The following DBI variants were observed in gnomAD, a reference collection of about 807,000 sequenced individuals.
DBI encodes the protein diazepam binding inhibitor, acyl-CoA binding protein, also known as acyl-CoA-binding protein.
Under a neutral mutation model 13.0 loss-of-function variants are expected in DBI, and 12 were observed. The ratio of observed to expected loss-of-function variants is 0.92; its 90% confidence interval spans 0.59 to 1.49. DBI has a LOEUF of 1.49. Among genes scored for constraint, DBI ranks in the 40% most tolerant of loss-of-function variants. The pLI, the probability that DBI is intolerant of heterozygous loss-of-function variation, is 0.00. For synonymous variants in DBI, 37 were observed against 37.4 expected, an observed-to-expected ratio of 0.99 and a Z score of 0.04; for missense variants, 95 against 104.8, an observed-to-expected ratio of 0.91 and a Z score of 0.41.
At chr2:119,369,334 T>C (rs1375658450) in intron 2 of DBI, among the ~76,000 whole-genome samples, 1 of 152,144 alleles carries the variant, frequency 6.6e-6, no homozygotes, top group Non-Finnish European at 1.5e-5. Flanking sequence ...TTCACATGAG[T>C]CTAGATAGAC....
chr2:119,370,638 A>G, intron 2 of DBI, 102 bp from the exon 3 acceptor site: 1 of 1,074,978 alleles, frequency 9.3e-7, no homozygotes, highest in Non-Finnish European at 1.4e-6. Context: ...AGAGCCTAGA[A>G]GGAACAGGTG....
intron 1 of DBI, 98 bp downstream of exon 1, chr2:119,367,158 G>C (rs1681066885): frequency 6.4e-7 from 1 of 1,565,850 alleles, no homozygotes; most frequent in Non-Finnish European, 8.6e-7. Context: ...CTTTCCTTCC[G>C]TGCCCCTCAC....
Position 119,367,051 on chromosome 2 carries a change from G to A in DBI, c.-1G>A. ...CCTGGAGTTCTTGCAAGTCGGCCAG[G>A]ATGTCTCAGGTACAGCGCGTGCACA... On this transcript the variant is annotated 5_prime_UTR_variant, in exon 1 of 4. Coordinates refer to ENST00000355857, the MANE Select transcript of DBI (RefSeq NM_001079862.4). 2 of 1,614,120 alleles carry A rather than the reference G, an allele frequency of 1.2e-6. No individual in the cohort carries two copies. The highest frequency in any genetic ancestry group is 1.1e-5 in the South Asian group (1 of 91,084).
At chr2:119,368,621 C>A in intron 2 of DBI, 1 of 270,632 alleles carries the variant, frequency 3.7e-6, no homozygotes, top group Non-Finnish European at 7.3e-6. Flanking sequence ...CATTGTTGAG[C>A]CGTTCAGCTT....
chr2:119,367,467 AG>A, intron 1 of DBI: 1 of 1,588,212 alleles, frequency 6.3e-7, no homozygotes, highest in Non-Finnish European at 8.6e-7. Flanking sequence ...CTTGGAGGTC[AG>A]GGGAAGTACG....
Position 119,367,010 on chromosome 2 carries a change from C to G in DBI, c.-42C>G. On this transcript the variant is annotated 5_prime_UTR_variant, in exon 1 of 4. Transcript: ENST00000355857. ...CTGGGCGATCGCTTCCTGGTCCTCGCCTCCTCCGCTGTCTCCCTGGAGTTC... is the reference window on the plus strand; with the variant it reads ...CTGGGCGATCGCTTCCTGGTCCTCGGCTCCTCCGCTGTCTCCCTGGAGTTC... 1 of 1,613,600 alleles carries G rather than the reference C, an allele frequency of 6.2e-7. No individual in the cohort carries two copies. The highest frequency in any genetic ancestry group is 8.5e-7 in the Non-Finnish European group (1 of 1,179,718).
At chr2:119,368,504 T>G (rs1558806435) in intron 2 of DBI, 199 bp downstream of exon 2, 4 of 563,638 alleles carry the variant, frequency 7.1e-6, no homozygotes, top group Non-Finnish European at 1.3e-5. Flanking sequence ...CAAATCCTGG[T>G]TTTAGAAGGT....
At chr2:119,367,787 C>A (rs3091405) in intron 1 of DBI, 469,056 of 1,608,888 alleles carry the variant, frequency 0.29, 69,321 homozygotes, top group African/African-American at 0.33. Context: ...GGCTTCGCTG[C>A]AGCCCCGGCC....
chr2:119,368,137 C>A, intron 1 of DBI, 51 bp from the exon 2 acceptor site: 1 of 1,550,128 alleles, frequency 6.5e-7, no homozygotes, highest in African/African-American at 1.4e-5. Flanking sequence ...GGATTCTTAC[C>A]CTCTCCCACC....
At chr2:119,369,158 A>G (rs1488307421) in intron 2 of DBI, among the ~76,000 whole-genome samples, 1 of 152,206 alleles carries the variant, frequency 6.6e-6, no homozygotes, top group African/African-American at 2.4e-5. Flanking sequence ...ACTTAGTTGA[A>G]GAAGGTCTTA....
At position 119,371,009 on chromosome 2, in the gene DBI, G is replaced by T. The variant is rs543392153; in HGVS notation, c.190+207G>T. ...CCTTTTCTAAAAGCACCATCTCTGA[G>T]CAGGAGCATCATCTAGAGAGGAGGG... On this transcript the variant is annotated intron_variant, in intron 3 of 3. Transcript: ENST00000355857. Among the ~76,000 whole-genome samples, 41 of 152,216 alleles carry T rather than the reference G, an allele frequency of 2.7e-4. 1 individual carries two copies. Among genetic ancestry groups the T allele is most frequent in the Non-Finnish European group, 5.1e-4 (35 of 68,048 alleles).
chr2:119,369,655 A>G (rs1268565291), intron 2 of DBI, among the ~76,000 whole-genome samples: 1 of 152,098 alleles, frequency 6.6e-6, no homozygotes, highest in Non-Finnish European at 1.5e-5. Flanking sequence ...GCATGGTGGC[A>G]TATGCCTGTA....
At chr2:119,368,563 G>A in intron 2 of DBI, 1 of 412,726 alleles carries the variant, frequency 2.4e-6, no homozygotes, top group Non-Finnish European at 4.5e-6. Context: ...AAGAAGCAAA[G>A]GCTGCAGCTT....
chr2:119,372,147 G>T (rs1681561149), intron 3 of DBI, 98 bp from the exon 4 acceptor site: 2 of 825,090 alleles, frequency 2.4e-6, no homozygotes, highest in Non-Finnish European at 4.2e-6. Flanking sequence ...GAGAAACTGA[G>T]CCTAGGAGAG....
chr2:119,368,616 T>C (rs1470056329), intron 2 of DBI: 1 of 282,546 alleles, frequency 3.5e-6, no homozygotes, highest in Non-Finnish European at 7.0e-6. Context: ...AGTATCATTG[T>C]TGAGCCGTTC....
chr2:119,368,118 G>A lies in DBI; in HGVS notation c.10-70G>A. On this transcript the variant is annotated intron_variant, in intron 1 of 3. Coordinates refer to ENST00000355857, the MANE Select transcript of DBI (RefSeq NM_001079862.4). ...ATCCCCGTAACTGGGCTGTCATCAG[G>A]CCACAGTAGGATTCTTACCCTCTCC... 4 of 1,506,210 alleles carry A rather than the reference G, an allele frequency of 2.7e-6. No homozygotes were observed. The South Asian group carries it at 3.4e-5, about 13-fold the overall frequency. 93.3% of individuals were successfully genotyped at this position (1,506,210 alleles called of 1,614,324 possible).
intron 3 of DBI, 102 bp downstream of exon 3, chr2:119,370,904 C>A: frequency 1.8e-6 from 2 of 1,117,874 alleles, no homozygotes; most frequent in South Asian, 1.4e-5. Context: ...GTCAATGGGG[C>A]ACGTGTGGGA....
chr2:119,372,498 G>T lies in DBI; in HGVS notation c.*180G>T. The T allele has an allele frequency of 2.0e-6, 1 of 509,954 alleles. No homozygotes were observed. The highest frequency in any genetic ancestry group is 1.9e-5 in the African/African-American group (1 of 51,630). The allele number at this position is 509,954 out of a possible 1,614,324, so 31.6% of individuals were successfully genotyped here. On this transcript the variant is annotated 3_prime_UTR_variant, in exon 4 of 4. Coordinates refer to ENST00000355857, the MANE Select transcript of DBI (RefSeq NM_001079862.4). ...TAAAACGATTACTGACTTTCCTTGAGTAGTTTTTATCTGAAATCAATTAAA... is the reference window on the plus strand; with the variant it reads ...TAAAACGATTACTGACTTTCCTTGATTAGTTTTTATCTGAAATCAATTAAA...
In DBI at chr2:119,371,245, C is replaced by T. The variant is rs910406211; in HGVS notation, c.190+443C>T. Among the ~76,000 whole-genome samples, 6 of 152,290 alleles carry T rather than the reference C, an allele frequency of 3.9e-5. No homozygotes were observed. The East Asian group carries it at 5.8e-4, about 15-fold the overall frequency. On this transcript the variant is annotated intron_variant, in intron 3 of 3. Coordinates refer to ENST00000355857, the MANE Select transcript of DBI (RefSeq NM_001079862.4). Reference sequence around the variant, plus strand: ...GGGAATGAGCTAATGCATGGCCTGCCGCTGGCATCGTAGGCTCAGTGAATG... The same window carrying T: ...GGGAATGAGCTAATGCATGGCCTGCTGCTGGCATCGTAGGCTCAGTGAATG...
Sources: allele counts gnomAD v4.1 joint callset (sites outside exome capture counted in the v4.1 genomes callset), GRCh38; gene constraint gnomAD v4.1.1; transcripts MANE v1.5; gene names NCBI Gene and HGNC (gene_info 2026-07-23, HGNC 2026-07-21).